CNTN4: variants seen among roughly 807,000 people sequenced by gnomAD.
The protein encoded by CNTN4 is contactin 4.
CNTN4 carries 77 observed loss-of-function variants against 122.5 expected under a neutral mutation model. That is an observed-to-expected ratio of 0.63 (90% CI 0.52 to 0.76). CNTN4 has a LOEUF of 0.76. CNTN4 is among the 30% of genes least tolerant of loss of function. The pLI, the probability that CNTN4 is intolerant of heterozygous loss-of-function variation, is 0.00. For synonymous variants in CNTN4, 512 were observed against 447.0 expected (o/e 1.15, Z -1.83); for missense variants, 1,256 against 1,259.1 (o/e 1.00, Z 0.04).
rs2033206998 is a variant in CNTN4 at position 2,114,567 on chromosome 3, C to T, written c.-145+13928C>T. Among the ~76,000 whole-genome samples, 2 of 152,042 alleles carry T rather than the reference C, an allele frequency of 1.3e-5. 1 individual carries two copies. Among genetic ancestry groups the T allele is most frequent in the South Asian group, 4.1e-4 (2 of 4,826 alleles). On this transcript the variant is annotated intron_variant, in intron 2 of 24. Coordinates refer to ENST00000418658, the MANE Select transcript of CNTN4 (RefSeq NM_175607.3). The stretch of plus-strand genomic sequence containing the variant: ...AGAATGCCAAAGGTATGAGTGGACG[C>T]TAGGGGTATGGGAAGGTGGCAATAG...
At chr3:2,926,817 A>G (rs1475264408) in intron 13 of CNTN4, among the ~76,000 whole-genome samples, 2 of 152,186 alleles carry the variant, frequency 1.3e-5, no homozygotes, top group African/African-American at 4.8e-5. Flanking sequence ...GGAGTAACAA[A>G]TGTATTAAAT....
intron 2 of CNTN4, among the ~76,000 whole-genome samples, chr3:2,314,946 A>C (rs2043043473): frequency 6.6e-6 from 1 of 152,090 alleles, no homozygotes; most frequent in Non-Finnish European, 1.5e-5. Flanking sequence ...CAGGTATCAA[A>C]TTGGTAAACA....
intron 2 of CNTN4, among the ~76,000 whole-genome samples, chr3:2,126,702 T>C (rs2034189972): frequency 6.6e-6 from 1 of 152,210 alleles, no homozygotes; most frequent in Non-Finnish European, 1.5e-5. Context: ...GAGGAGAATA[T>C]AACTTCAAAC....
At chr3:2,854,939 G>T (rs2093602285) in intron 7 of CNTN4, among the ~76,000 whole-genome samples, 1 of 152,110 alleles carries the variant, frequency 6.6e-6, no homozygotes, top group African/African-American at 2.4e-5. Flanking sequence ...GACAGATTTT[G>T]ATTATGCTGT....
chr3:2,736,031 A>G (rs769417105), intron 4 of CNTN4, 184 bp from the exon 5 acceptor site: 5 of 738,042 alleles, frequency 6.8e-6, no homozygotes, highest in Non-Finnish European at 1.2e-5. Context: ...TTTTCACTTC[A>G]TCATAATCCA....
At chr3:2,880,738 G>C (rs144690171) in intron 8 of CNTN4, among the ~76,000 whole-genome samples, 1 of 152,178 alleles carries the variant, frequency 6.6e-6, no homozygotes, top group African/African-American at 2.4e-5. Flanking sequence ...AGAGGCCTTC[G>C]TAAGAGATTA....
chr3:2,951,130 A>G (rs906962652), intron 13 of CNTN4, among the ~76,000 whole-genome samples: 1 of 152,194 alleles, frequency 6.6e-6, no homozygotes, highest in East Asian at 1.9e-4. Context: ...TGTTGTTATC[A>G]TTGATAATAA....
At chr3:2,422,332 C>G (rs771854490) in intron 3 of CNTN4, among the ~76,000 whole-genome samples, 9 of 152,160 alleles carry the variant, frequency 5.9e-5, no homozygotes, top group Non-Finnish European at 1.2e-4. Context: ...GTTAGGAGAC[C>G]TGGGCTTTAG....
chr3:2,533,158 A>T (rs1333783226), intron 3 of CNTN4, among the ~76,000 whole-genome samples: 5 of 150,630 alleles, frequency 3.3e-5, no homozygotes, highest in African/African-American at 9.8e-5. Context: ...TTATACTTTA[A>T]GTTCTAGGGT....
At chr3:2,286,344 G>A (rs1445764314) in intron 2 of CNTN4, among the ~76,000 whole-genome samples, 1 of 148,068 alleles carries the variant, frequency 6.8e-6, no homozygotes, top group Non-Finnish European at 1.5e-5. Flanking sequence ...TTAGAAAAAT[G>A]AGAAATTCTC....
chr3:2,673,910 C>A (rs1462321968), intron 4 of CNTN4, among the ~76,000 whole-genome samples: 1 of 152,114 alleles, frequency 6.6e-6, no homozygotes, highest in Non-Finnish European at 1.5e-5. Flanking sequence ...TTGAGACCTC[C>A]ATGGCAGGAG....
rs563073290 is a variant in CNTN4, at chr3:2,180,847, C to T, written c.-145+80208C>T. Among the ~76,000 whole-genome samples, 6 of 152,180 alleles carry T rather than the reference C, an allele frequency of 3.9e-5. No individual in the cohort carries two copies. In the South Asian group the frequency reaches 6.2e-4, roughly 16 times the overall value. ...TTACCTTGGATTGAAGAATCACATG[C>T]CATTGTGATTGACAGAGTCTGTAAG... is the stretch of plus-strand genomic sequence containing the variant. On this transcript the variant is annotated intron_variant, in intron 2 of 24. Transcript: ENST00000418658.
At chr3:2,532,799 GA>G (rs2077647541) in intron 3 of CNTN4, among the ~76,000 whole-genome samples, 1 of 151,992 alleles carries the variant, frequency 6.6e-6, no homozygotes, top group Non-Finnish European at 1.5e-5. Context: ...TATTTTGATA[GA>G]AAAAAGTCAT....
At chr3:2,591,238 A>G (rs1576128337) in intron 4 of CNTN4, among the ~76,000 whole-genome samples, 1 of 152,264 alleles carries the variant, frequency 6.6e-6, no homozygotes, top group East Asian at 1.9e-4. Flanking sequence ...AAATTTTTGA[A>G]TATATGAATA....
chr3:2,420,280 T>C (rs1403725001), intron 3 of CNTN4, among the ~76,000 whole-genome samples: 1 of 152,166 alleles, frequency 6.6e-6, no homozygotes, highest in African/African-American at 2.4e-5. Flanking sequence ...GAAAACCCTC[T>C]AGGAATAGTT....
chr3:2,501,689 T>C (rs2076598395), intron 3 of CNTN4, among the ~76,000 whole-genome samples: 1 of 152,208 alleles, frequency 6.6e-6, no homozygotes, highest in Non-Finnish European at 1.5e-5. Flanking sequence ...CCTGTGATTA[T>C]ATTGGGCCCA....
rs146411557 is a variant in CNTN4 at position 2,683,182 on chromosome 3, G to T, written c.56-53033G>T. On this transcript the variant is annotated intron_variant, in intron 4 of 24. Transcript: ENST00000418658. Reference sequence around the variant, plus strand: ...GAAAGACGATGCTTTGCAGACTTGGGTATAGTTATTTTCAGACAGAAAGGG... The same window carrying T: ...GAAAGACGATGCTTTGCAGACTTGGTTATAGTTATTTTCAGACAGAAAGGG... Among the ~76,000 whole-genome samples, 3 of 152,182 alleles carry T rather than the reference G, an allele frequency of 2.0e-5. No individual in the cohort carries two copies. In the East Asian group the frequency reaches 5.8e-4, roughly 29 times the overall value.
chr3:3,049,379 G>A (rs1035314404), intron 23 of CNTN4, among the ~76,000 whole-genome samples: 4 of 152,182 alleles, frequency 2.6e-5, no homozygotes, highest in African/African-American at 9.7e-5. Context: ...CACCATGCCT[G>A]GCCTCATCTT....
At chr3:2,604,089 T>G (rs2081159672) in intron 4 of CNTN4, among the ~76,000 whole-genome samples, 1 of 152,186 alleles carries the variant, frequency 6.6e-6, no homozygotes, top group South Asian at 2.1e-4. Context: ...AGATGTAATT[T>G]CTGTCACATT....
Sources: allele counts gnomAD v4.1 joint callset (sites outside exome capture counted in the v4.1 genomes callset), GRCh38; gene constraint gnomAD v4.1.1; transcripts MANE v1.5; gene names NCBI Gene and HGNC (gene_info 2026-07-23, HGNC 2026-07-21).